Variants in HDAC8 observed in about 807,000 individuals in gnomAD.
HDAC8 encodes the protein histone deacetylase 8, also known as histone deacetylase-like 1.
In HDAC8, 1 loss-of-function variant was observed where a neutral mutation model predicts 32.2. The observed-to-expected ratio is 0.03, with a 90% CI of 0.01 to 0.15. The LOEUF is 0.15. HDAC8 is among the 10% of genes least tolerant of loss of function. HDAC8 has a pLI of 1.00. For synonymous variants in HDAC8, 108 were observed against 113.9 expected (o/e 0.95, Z 0.33); for missense variants, 117 against 300.0 (o/e 0.39, Z 4.51).
At chrX:72,558,623 G>C (rs1556104052) in intron 4 of HDAC8, among the ~76,000 whole-genome samples, 1 of 111,162 alleles carries the variant, frequency 9.0e-6, no homozygotes. Context: ...ACAAACCCAC[G>C]GCCAACATTA....
intron 7 of HDAC8, among the ~76,000 whole-genome samples, chrX:72,472,324 C>T (rs1269319045): frequency 4.5e-5 from 5 of 111,322 alleles, no homozygotes; most frequent in Admixed American, 3.8e-4. Flanking sequence ...GCCTCGGCCT[C>T]CCAAAGTGCT....
At chrX:72,476,854 C>T (rs2048350507) in intron 7 of HDAC8, among the ~76,000 whole-genome samples, 1 of 111,592 alleles carries the variant, frequency 9.0e-6, no homozygotes, top group African/African-American at 3.3e-5. Context: ...GAGTTCAGCA[C>T]AGCACACCAG....
At chrX:72,337,072 A>C (rs781962726) in intron 10 of HDAC8, among the ~76,000 whole-genome samples, 1 of 112,166 alleles carries the variant, frequency 8.9e-6, no homozygotes, top group African/African-American at 3.2e-5. Context: ...TTAAAAATTG[A>C]GTGTTTTCTT....
chrX:72,470,576 C>T (rs1395831717), intron 7 of HDAC8, among the ~76,000 whole-genome samples: 3 of 111,571 alleles, frequency 2.7e-5, no homozygotes, highest in African/African-American at 9.8e-5. Context: ...GCCCATCTAT[C>T]CCTCCCTTTC....
At chrX:72,369,098 A>C (rs1387106700) in intron 9 of HDAC8, among the ~76,000 whole-genome samples, 1 of 110,352 alleles carries the variant, frequency 9.1e-6, no homozygotes, top group Non-Finnish European at 1.9e-5. Context: ...TTGGAAAAGT[A>C]CTGCTCCCCG....
chrX:72,439,563 A>T (rs782640888), intron 9 of HDAC8, among the ~76,000 whole-genome samples: 1 of 105,177 alleles, frequency 9.5e-6, no homozygotes, highest in South Asian at 4.8e-4. Flanking sequence ...TGTATTCAGG[A>T]GGCCCATCTC....
intron 4 of HDAC8, among the ~76,000 whole-genome samples, chrX:72,516,241 T>C (rs146768949): frequency 6.2e-5 from 7 of 112,112 alleles, no homozygotes; most frequent in Non-Finnish European, 1.3e-4. Flanking sequence ...GAAAGGTTAA[T>C]GAGTTTAGTT....
At chrX:72,571,777 C>T (rs2052088378) in intron 2 of HDAC8, among the ~76,000 whole-genome samples, 1 of 109,013 alleles carries the variant, frequency 9.2e-6, no homozygotes, top group Non-Finnish European at 1.9e-5. Flanking sequence ...CCATGTTGGG[C>T]AGGCTGGTCT....
At chrX:72,427,569 G>C (rs915927246) in intron 9 of HDAC8, among the ~76,000 whole-genome samples, 2 of 92,928 alleles carry the variant, frequency 2.2e-5, no homozygotes, top group Non-Finnish European at 4.2e-5. Flanking sequence ...GACACAGGAA[G>C]GGGAACATCA....
chrX:72,494,739 T>C (rs781906447), intron 5 of HDAC8, among the ~76,000 whole-genome samples: 3 of 111,970 alleles, frequency 2.7e-5, no homozygotes, highest in Admixed American at 9.5e-5. Context: ...TGGCAACCTA[T>C]TGGTGAAAAA....
intron 9 of HDAC8, among the ~76,000 whole-genome samples, chrX:72,413,057 A>G (rs192810371): frequency 1.5e-4 from 17 of 111,252 alleles, no homozygotes; most frequent in African/African-American, 5.6e-4. Flanking sequence ...AGAACATCCA[A>G]TTCCTTTTGT....
intron 9 of HDAC8, among the ~76,000 whole-genome samples, chrX:72,458,607 T>C (rs1555990551): frequency 8.9e-6 from 1 of 111,779 alleles, no homozygotes; most frequent in Admixed American, 9.5e-5. Flanking sequence ...CCAATATGAA[T>C]ATTGAGACAC....
At chrX:72,572,036 T>A in intron 2 of HDAC8, 21 bp downstream of exon 2, 1 of 1,170,891 alleles carries the variant, frequency 8.5e-7, no homozygotes, top group South Asian at 2.0e-5. Flanking sequence ...TTCAGGGCTA[T>A]GTTCAAGAAA....
At chrX:72,514,978 A>G (rs1163980342) in intron 4 of HDAC8, among the ~76,000 whole-genome samples, 1 of 112,033 alleles carries the variant, frequency 8.9e-6, no homozygotes, top group Non-Finnish European at 1.9e-5. Context: ...TTTGAAATAC[A>G]TATACACTGT....
At chrX:72,482,292 C>T (rs1027871640) in intron 7 of HDAC8, among the ~76,000 whole-genome samples, 2 of 111,763 alleles carry the variant, frequency 1.8e-5, no homozygotes, top group Non-Finnish European at 3.8e-5. Context: ...ATGAGAAGAC[C>T]TCTGTAAAAT....
chrX:72,412,294 A>G (rs782786019), intron 9 of HDAC8, among the ~76,000 whole-genome samples: 2 of 112,206 alleles, frequency 1.8e-5, no homozygotes, highest in South Asian at 7.4e-4. Flanking sequence ...GAGACCTTGG[A>G]TACTTTGCTT....
chrX:72,563,514 C>A (rs1295278370), intron 4 of HDAC8, among the ~76,000 whole-genome samples: 7 of 111,060 alleles, frequency 6.3e-5, no homozygotes, highest in Non-Finnish European at 1.1e-4. Flanking sequence ...TGCACTCCAG[C>A]CTGGGCGACA....
At chrX:72,478,655 C>CT (rs199844895) in intron 7 of HDAC8, among the ~76,000 whole-genome samples, 2,303 of 93,768 alleles carry the variant, frequency 0.025, 57 homozygotes, top group African/African-American at 0.055. Flanking sequence ...TCCTTTAGTC[C>CT]TTTTTTTTTT....
intron 7 of HDAC8, among the ~76,000 whole-genome samples, chrX:72,472,099 G>A (rs1386730609): frequency 2.9e-5 from 3 of 102,997 alleles, no homozygotes; most frequent in African/African-American, 1.1e-4. Context: ...ACGGAGTCTC[G>A]CTCTGTCGCC....
Sources: gnomAD v4.1 joint callset for allele counts (sites outside exome capture counted in the v4.1 genomes callset) on GRCh38, gnomAD v4.1.1 for gene constraint, MANE v1.5 for transcripts, NCBI Gene and HGNC (gene_info 2026-07-23, HGNC 2026-07-21) for gene names.